The following NRK variants were observed in gnomAD, a reference collection of about 807,000 sequenced individuals.
The protein encoded by NRK is Nik related kinase, also known as nik-related protein kinase.
NRK carries 67 observed loss-of-function variants against 125.2 expected under a neutral mutation model. The ratio of observed to expected loss-of-function variants is 0.54; its 90% CI spans 0.44 to 0.66. The LOEUF (loss-of-function observed/expected upper bound fraction) is 0.66. NRK is among the 30% of genes least tolerant of loss of function. The pLI is 0.00. For synonymous variants in NRK, 458 were observed against 429.0 expected (o/e 1.07, Z -0.84); for missense variants, 1,224 against 1,192.9 (o/e 1.03, Z -0.38).
chrX:105,891,932 G>A (rs2040020718), intron 5 of NRK, among the ~76,000 whole-genome samples: 2 of 111,482 alleles, frequency 1.8e-5, no homozygotes, highest in Admixed American at 1.9e-4. Flanking sequence ...TATACCATTT[G>A]TCTTTTTTAT....
intron 8 of NRK, among the ~76,000 whole-genome samples, chrX:105,900,151 TACACACACACACACACACACACACAC>T (rs202022404): frequency 1.1e-5 from 1 of 89,398 alleles, no homozygotes; most frequent in African/African-American, 4.0e-5. Flanking sequence ...ACTGCTGAAG[TACACACACACACACACACACACACAC>T]ACACACACAC....
intron 27 of NRK, among the ~76,000 whole-genome samples, chrX:105,950,527 AGTGTGTGTGTGTGTGTGTGTGTGTGTGT>A (rs56383254): frequency 1.3e-5 from 1 of 77,979 alleles, no homozygotes; most frequent in Non-Finnish European, 2.5e-5. Flanking sequence ...AAAAGGCAGC[AGTGTGTGTGTGTGTGTGTGTGTGTGTGT>A]GTGTGTGTGT....
At chrX:105,904,548 T>A (rs183883402) in intron 9 of NRK, among the ~76,000 whole-genome samples, 1 of 112,136 alleles carries the variant, frequency 8.9e-6, no homozygotes, top group East Asian at 2.8e-4. Flanking sequence ...TGTGCATACA[T>A]AATAGATGTA....
intron 13 of NRK, among the ~76,000 whole-genome samples, chrX:105,910,803 TGTGGGGTCCTTCAGACCAGTTGGCGTCA>T (rs1277093897): frequency 2.7e-5 from 3 of 111,769 alleles, no homozygotes; most frequent in Non-Finnish European, 5.6e-5. Flanking sequence ...GTCAGCCTCT[TGTGGGGTCCTTCAGACCAGTTGGCGTCA>T]GTGGGGTCCT....
At chrX:105,851,781 A>G (rs996934132) in intron 2 of NRK, among the ~76,000 whole-genome samples, 1 of 110,876 alleles carries the variant, frequency 9.0e-6, no homozygotes, top group African/African-American at 3.3e-5. Flanking sequence ...GGCAAGGTAC[A>G]CTTCTGCCAG....
chrX:105,892,061 C>T (rs1019422683), intron 5 of NRK, among the ~76,000 whole-genome samples: 5 of 111,444 alleles, frequency 4.5e-5, no homozygotes, highest in African/African-American at 6.5e-5. Context: ...CAACATATAT[C>T]AATTGAAAAC....
intron 5 of NRK, 44 bp from the exon 6 acceptor site, chrX:105,893,788 A>G: frequency 1.2e-6 from 1 of 817,499 alleles, no homozygotes; most frequent in Non-Finnish European, 1.8e-6. Context: ...ATATTTTCAG[A>G]AAATTGGACA....
intron 19 of NRK, among the ~76,000 whole-genome samples, chrX:105,926,844 C>T (rs188080628): frequency 4.5e-4 from 50 of 110,899 alleles, no homozygotes; most frequent in African/African-American, 1.6e-3. Context: ...TCCTTTATAC[C>T]GTTCCATTGG....
At chrX:105,907,750 A>G (rs886596794) in intron 11 of NRK, 1 of 112,349 alleles carries the variant, frequency 8.9e-6, no homozygotes, top group African/African-American at 3.2e-5. Context: ...AATCTTCTAT[A>G]TTTCAGTAGT....
At chrX:105,933,885 A>G (rs2040627176) in intron 19 of NRK, among the ~76,000 whole-genome samples, 2 of 111,744 alleles carry the variant, frequency 1.8e-5, no homozygotes, top group Non-Finnish European at 3.8e-5. Flanking sequence ...TCTAAATTTT[A>G]AATTTGTATA....
chrX:105,886,627 A>G (rs1473519105), intron 4 of NRK, among the ~76,000 whole-genome samples: 1 of 106,649 alleles, frequency 9.4e-6, no homozygotes, highest in Non-Finnish European at 1.9e-5. Context: ...CTGAAAGAAT[A>G]TACACTAAAC....
rs1455499611 is a variant in NRK, at chrX:105,953,279, G to T, written c.4653+106G>T. On this transcript the variant is annotated intron_variant, in intron 28 of 28. Coordinates refer to ENST00000243300, the MANE Select transcript of NRK (RefSeq NM_198465.4). ...CCTTCTGGCTATAAATATATTTGTG[G>T]TATATTTTTTCAAACTGGCATACTA... The T allele has an allele frequency of 1.4e-5, 9 of 660,270 alleles. No homozygotes were observed. The East Asian group carries it at 3.0e-4, about 22-fold the overall frequency. The allele number at this position is 660,270 out of a possible 1,213,427, so 54.4% of individuals were successfully genotyped here.
At chrX:105,954,805 C>G (rs1337827235) in intron 28 of NRK, among the ~76,000 whole-genome samples, 1 of 111,655 alleles carries the variant, frequency 9.0e-6, no homozygotes, top group Non-Finnish European at 1.9e-5. Context: ...ATGTCCCTCT[C>G]TAAGCCACTG....
At chrX:105,932,706 C>A (rs923580858) in intron 19 of NRK, among the ~76,000 whole-genome samples, 1 of 111,346 alleles carries the variant, frequency 9.0e-6, no homozygotes, top group Non-Finnish European at 1.9e-5. Flanking sequence ...AGATGCCATG[C>A]TCTTTCATGA....
At chrX:105,908,384 C>T (rs1475626936) in intron 12 of NRK, 81 bp downstream of exon 12, 3 of 500,970 alleles carry the variant, frequency 6.0e-6, no homozygotes, top group Non-Finnish European at 9.5e-6. Flanking sequence ...GCCTTTGGTT[C>T]AGAAAGACTT....
chrX:105,866,491 T>C (rs913571379), intron 2 of NRK, among the ~76,000 whole-genome samples: 1 of 112,081 alleles, frequency 8.9e-6, no homozygotes, highest in Admixed American at 9.5e-5. Flanking sequence ...AAATTGATTA[T>C]AATCTTGGCT....
chrX:105,934,571 G>A (rs2040636827), intron 20 of NRK, 127 bp downstream of exon 20: 2 of 429,363 alleles, frequency 4.7e-6, no homozygotes, highest in African/African-American at 2.5e-5. Flanking sequence ...AATTCAGATT[G>A]ATATATGCTT....
At chrX:105,945,780 C>G (rs1476623389) in intron 24 of NRK, 92 bp from the exon 25 acceptor site, 1 of 760,976 alleles carries the variant, frequency 1.3e-6, no homozygotes, top group Non-Finnish European at 1.9e-6. Context: ...TCCTGTTTGG[C>G]CTTTTGTTTT....
At chrX:105,933,993 A>C (rs1168560793) in intron 19 of NRK, among the ~76,000 whole-genome samples, 1 of 111,901 alleles carries the variant, frequency 8.9e-6, no homozygotes, top group East Asian at 2.8e-4. Flanking sequence ...ATACATGGTA[A>C]AAATTCCACA....
Sources: gnomAD v4.1 joint callset for allele counts (sites outside exome capture counted in the v4.1 genomes callset) on GRCh38, gnomAD v4.1.1 for gene constraint, MANE v1.5 for transcripts, NCBI Gene and HGNC (gene_info 2026-07-23, HGNC 2026-07-21) for gene names.